ZDHHC19: variants seen among roughly 807,000 people sequenced by gnomAD.
ZDHHC19 encodes the protein zDHHC palmitoyltransferase 19, also known as palmitoyltransferase ZDHHC19.
In ZDHHC19, 30 loss-of-function variants were observed where a neutral mutation model predicts 33.9. The observed-to-expected ratio is 0.88, with a 90% CI of 0.66 to 1.20. ZDHHC19 has a LOEUF of 1.20. ZDHHC19 is among the 50% of genes most tolerant of loss of function. ZDHHC19 has a pLI of 0.00. For missense variants in ZDHHC19, 364 were observed against 401.1 expected (o/e 0.91, Z 0.79); for synonymous variants, 178 against 167.6 (o/e 1.06, Z -0.48).
intron 5 of ZDHHC19, 54 bp from the exon 6 acceptor site, chr3:196,198,928 G>GC: frequency 6.3e-7 from 1 of 1,577,284 alleles, no homozygotes; most frequent in Non-Finnish European, 8.7e-7. Flanking sequence ...GAATGGCTGG[G>GC]CCATCGCCCA....
chr3:196,200,564 C>T (rs1188685317), intron 5 of ZDHHC19, among the ~76,000 whole-genome samples: 1 of 149,136 alleles, frequency 6.7e-6, no homozygotes, highest in Non-Finnish European at 1.5e-5. Flanking sequence ...CCGTGTTAGC[C>T]AGGATGGTCT....
At chr3:196,198,510 C>T in intron 6 of ZDHHC19, 59 bp from the exon 7 acceptor site, 2 of 1,592,416 alleles carry the variant, frequency 1.3e-6, no homozygotes, top group Non-Finnish European at 1.7e-6. Flanking sequence ...GCTCCCCTGC[C>T]CGCCTCAGCT....
intron 2 of ZDHHC19, 141 bp downstream of exon 2, chr3:196,210,475 G>A (rs191893300): frequency 1.3e-5 from 11 of 828,982 alleles, no homozygotes; most frequent in East Asian, 2.7e-5. Context: ...AAGAGTGAGC[G>A]AGGGCCAGAG....
chr3:196,209,183 C>T lies in ZDHHC19; in HGVS notation c.408+193G>A, dbSNP rs531602944. On this transcript the variant is annotated intron_variant, in intron 3 of 7. Transcript: ENST00000296326. ...TGCATGTCAGCACCTCTGCAGGCAA[C>T]GGCCAGCCTCCCAGGACAGGTGCAG... 1.9e-3 allele frequency: 1,507 copies of T among 774,722 alleles called. 3 individuals carry two copies. Among genetic ancestry groups the T allele is most frequent in the Non-Finnish European group, 2.7e-3 (1,362 of 500,376 alleles). 48.0% of individuals were successfully genotyped at this position (774,722 alleles called of 1,614,324 possible).
At chr3:196,210,867 A>G (rs1723248058) in intron 1 of ZDHHC19, 130 bp from the exon 2 acceptor site, 5 of 1,384,094 alleles carry the variant, frequency 3.6e-6, no homozygotes, top group Non-Finnish European at 3.9e-6. Flanking sequence ...CCAAATACCC[A>G]GGCAGACTCA....
intron 1 of ZDHHC19, 150 bp downstream of exon 1, chr3:196,211,020 A>G (rs1363864660): frequency 2.2e-6 from 3 of 1,350,672 alleles, no homozygotes; most frequent in African/African-American, 1.5e-5. Context: ...TGACCTCTGC[A>G]CCTTTGCACG....
Position 196,203,576 on chromosome 3 carries a change from G to A in ZDHHC19, c.687+3822C>T. Among the ~76,000 whole-genome samples, 1 of 152,216 alleles carries A rather than the reference G, an allele frequency of 6.6e-6. No individual in the cohort carries two copies. The highest frequency in any genetic ancestry group is 1.9e-4 in the East Asian group (1 of 5,198). On this transcript the variant is annotated intron_variant, in intron 5 of 7. Coordinates refer to ENST00000296326, the MANE Select transcript of ZDHHC19 (RefSeq NM_001039617.2). This position sits in a 1 kb window ranked among gnomAD's most constrained non-coding sequence, Gnocchi z 4.3. ...GGGCATGTGAAGAAGGCCTGAGGCA[G>A]GTGCTGCGGGCTGCGGGAAGGAGCC...
In ZDHHC19 at chr3:196,199,197, G is replaced by T. The variant is rs1022196130; in HGVS notation, c.688-323C>A. The T allele has an allele frequency of 1.6e-5, 5 of 318,686 alleles. No individual in the cohort carries two copies. In the East Asian group the frequency reaches 4.1e-4, roughly 26 times the overall value. The allele number at this position is 318,686 out of a possible 1,614,324, so 19.7% of individuals were successfully genotyped here. A position where few individuals can be genotyped will look rare whatever the true frequency, so the allele number is the denominator to read the frequency against. On this transcript the variant is annotated intron_variant, in intron 5 of 7. Coordinates refer to ENST00000296326, the MANE Select transcript of ZDHHC19 (RefSeq NM_001039617.2). ...AATCTGGGCTAAAAGCCTTGAACAC[G>T]CAATGCGGTAAAGGCCAAGTCGTCC... is the stretch of plus-strand genomic sequence containing the variant.
At position 196,209,497 on chromosome 3, in the gene ZDHHC19, G is replaced by A. The variant is rs183313222; in HGVS notation, c.287C>T (p.Pro96Leu). The change falls in exon 3 of 8, where the codon CCC becomes CTC. Residue 96 changes from proline to leucine, a missense_variant. Coordinates refer to ENST00000296326, the MANE Select transcript of ZDHHC19 (RefSeq NM_001039617.2). Reference protein sequence around the residue: ...ILHQGSAEQGPLTVHVVWVNH... With the variant: ...ILHQGSAEQGLLTVHVVWVNH... ...CACCCACACCACGTGCACCGTCAAG[G>A]GGCCCTGCTCAGCGGAGCCTGGCGT... is the stretch of plus-strand genomic sequence containing the variant. 1.1e-5 allele frequency: 18 copies of A among 1,613,068 alleles called. No individual in the cohort carries two copies. Among genetic ancestry groups the A allele is most frequent in the Non-Finnish European group, 1.5e-5 (18 of 1,179,788 alleles).
rs1577309973 is a variant in ZDHHC19, at chr3:196,198,507, T to C, written c.774-56A>G. Reference sequence around the variant, plus strand: ...ACCGTCCTCCCTGGTCCGGCTCCCCTGCCCGCCTCAGCTTGGGAAGCACAC... The same window carrying C: ...ACCGTCCTCCCTGGTCCGGCTCCCCCGCCCGCCTCAGCTTGGGAAGCACAC... On this transcript the variant is annotated intron_variant, in intron 6 of 7. Transcript: ENST00000296326. 6 of 1,593,930 alleles carry C rather than the reference T, an allele frequency of 3.8e-6. No individual in the cohort carries two copies. The African/African-American group carries it at 4.0e-5, about 11-fold the overall frequency.
intron 6 of ZDHHC19, 168 bp from the exon 7 acceptor site, chr3:196,198,619 C>T (rs1161981743): frequency 1.3e-6 from 2 of 1,548,142 alleles, no homozygotes; most frequent in South Asian, 2.4e-5. Context: ...CAGGAACACA[C>T]AGAGCCAAGG....
chr3:196,198,485 G>A (rs368601700), intron 6 of ZDHHC19, 34 bp from the exon 7 acceptor site: 25 of 1,594,530 alleles, frequency 1.6e-5, no homozygotes, highest in African/African-American at 6.7e-5. Context: ...AGGGGCCACC[G>A]TCCTCCCTGG....
intron 5 of ZDHHC19, chr3:196,202,330 A>T (rs949205746): frequency 7.5e-6 from 1 of 134,166 alleles, no homozygotes; most frequent in African/African-American, 2.7e-5. Flanking sequence ...CTCAAAAAGG[A>T]AAAAAAAAAA....
At position 196,207,459 on chromosome 3, in the gene ZDHHC19, G is replaced by GC. The variant is rs1159811640; in HGVS notation, c.625_626insG (p.Ser209CysfsTer54). 1 of 1,576,198 alleles carries GC rather than the reference G, an allele frequency of 6.3e-7. No individual in the cohort carries two copies. Among genetic ancestry groups the GC allele is most frequent in the Non-Finnish European group, 8.6e-7 (1 of 1,161,848 alleles). On this transcript the variant is annotated frameshift_variant, in exon 5 of 8. Transcript: ENST00000296326. LOFTEE classifies it high-confidence loss of function. ...CAGTGCCTGGATCAGCAGCAGGAGG[G>GC]ACAGCGGCACCAGGAGGCCCGCGGC...
chr3:196,198,364 A>C lies in ZDHHC19; in HGVS notation c.861T>G (p.Ser287=). 6.5e-7 allele frequency: 1 copy of C among 1,527,580 alleles called. No individual in the cohort carries two copies. Among genetic ancestry groups the C allele is most frequent in the African/African-American group, 1.4e-5 (1 of 72,272 alleles). The allele number at this position is 1,527,580 out of a possible 1,614,324, so 94.6% of individuals were successfully genotyped here. ...AGGTTGGGGCTGGGGGGTTGAGAGC[A>C]GAGGGGGACATTGGAGGGTGCAGAT... ...MPNLHPPMSP[S]ALNPPAPTSG... The change falls in exon 7 of 8, where the codon TCT becomes TCG. Residue 287 remains serine, a synonymous_variant. Transcript: ENST00000296326.
chr3:196,198,549 C>G (rs1444569597), intron 6 of ZDHHC19, 98 bp from the exon 7 acceptor site: 3 of 1,560,496 alleles, frequency 1.9e-6, no homozygotes, highest in Non-Finnish European at 1.7e-6. Flanking sequence ...GGGCTTAGCT[C>G]TGCAGGAAGC....
intron 5 of ZDHHC19, among the ~76,000 whole-genome samples, chr3:196,199,137 C>T (rs73077071): frequency 0.039 from 5,890 of 152,330 alleles, 407 homozygotes; most frequent in African/African-American, 0.13. Flanking sequence ...AAGGCCCAGT[C>T]GTATTTCCCT....
Position 196,198,462 on chromosome 3 carries a change from G to A in ZDHHC19, c.774-11C>T, listed in dbSNP as rs1172220022. ...GCTTCAGCCATGTACCTGGGGAGCA[G>A]CAGGCCAGATGCAGGGGCCACCGTC... On this transcript the variant is annotated splice_polypyrimidine_tract_variant and intron_variant, in intron 6 of 7. Coordinates refer to ENST00000296326, the MANE Select transcript of ZDHHC19 (RefSeq NM_001039617.2). The A allele has an allele frequency of 6.3e-7, 1 of 1,586,370 alleles. No individual in the cohort carries two copies. Among genetic ancestry groups the A allele is most frequent in the Non-Finnish European group, 8.6e-7 (1 of 1,166,642 alleles).
rs111658590 is a variant in ZDHHC19, at chr3:196,205,046, C to T, written c.687+2352G>A. Among the ~76,000 whole-genome samples the T allele has an allele frequency of 9.7e-3, 1,470 of 152,234 alleles. 26 individuals are homozygous for T. The highest frequency in any genetic ancestry group is 0.034 in the African/African-American group (1,417 of 41,518). On this transcript the variant is annotated intron_variant, in intron 5 of 7. Transcript: ENST00000296326. ...ACTTGAATCTGGGAGGTGGAGGTTG[C>T]AGTGAGCCAAGATCGAGCCACTGCA...
Sources: allele counts gnomAD v4.1 joint callset (sites outside exome capture counted in the v4.1 genomes callset), GRCh38; gene constraint gnomAD v4.1.1; non-coding constraint Gnocchi (gnomAD v3.1); transcripts MANE v1.5; gene names NCBI Gene and HGNC (gene_info 2026-07-23, HGNC 2026-07-21).